The following SLC9A8 variants were observed in gnomAD, a reference collection of about 807,000 sequenced individuals.
SLC9A8 encodes the protein solute carrier family 9 member A8.
SLC9A8 carries 48 observed loss-of-function variants against 66.6 expected under a neutral mutation model. The observed-to-expected ratio is 0.72, with a 90% CI of 0.57 to 0.92. The LOEUF (loss-of-function observed/expected upper bound fraction) is 0.92, where lower values mean the gene tolerates loss of function less well. Among genes scored for constraint, SLC9A8 ranks in the 40% least tolerant of loss-of-function variants. The pLI is 0.00. For synonymous variants in SLC9A8, 274 were observed against 282.6 expected, an observed-to-expected ratio of 0.97 and a Z score of 0.31; for missense variants, 599 against 747.3, an observed-to-expected ratio of 0.80 and a Z score of 2.31.
chr20:49,834,183 CTCTATATATATATATATA>C (rs2087346448), intron 3 of SLC9A8, among the ~76,000 whole-genome samples: 1 of 36,968 alleles, frequency 2.7e-5, no homozygotes, highest in Non-Finnish European at 5.0e-5. Flanking sequence ...CTCTCTCTCT[CTCTATATATATATATATA>C]TATATATATA....
At position 49,886,618 on chromosome 20, in the gene SLC9A8, C is replaced by T. The variant is rs111617462; in HGVS notation, c.1492-134C>T. ...GGCTCCCAGGAGGCCGTCTGCTGCC[C>T]GTCACCCTGCATTGATGGTCAAGTG... On this transcript the variant is annotated intron_variant, in intron 14 of 15. Coordinates refer to ENST00000361573, the MANE Select transcript of SLC9A8 (RefSeq NM_015266.3). The surrounding 1 kb of genome is among the most constrained non-coding windows in gnomAD (Gnocchi z 4.8). 2,987 of 1,076,320 alleles carry T rather than the reference C, an allele frequency of 2.8e-3. 44 individuals are homozygous for T. The African/African-American group carries it at 0.041, about 15-fold the overall frequency. 66.7% of individuals were successfully genotyped at this position (1,076,320 alleles called of 1,614,324 possible).
intron 3 of SLC9A8, among the ~76,000 whole-genome samples, chr20:49,834,377 A>AG (rs2087400743): frequency 1.5e-5 from 1 of 67,188 alleles, no homozygotes; most frequent in Non-Finnish European, 2.6e-5. Flanking sequence ...GTGTATATAT[A>AG]TATATACTGT....
chr20:49,851,094 G>A lies in SLC9A8; in HGVS notation c.569+250G>A, dbSNP rs138402211. Among the ~76,000 whole-genome samples, 371 of 152,252 alleles carry A rather than the reference G, an allele frequency of 2.4e-3. 3 individuals carry two copies. Among genetic ancestry groups the A allele is most frequent in the Middle Eastern group, 3.4e-3 (1 of 294 alleles). On this transcript the variant is annotated intron_variant, in intron 7 of 15. Coordinates refer to ENST00000361573, the MANE Select transcript of SLC9A8 (RefSeq NM_015266.3). ...GAATGATTTAGTTTAAGCTTGGGAG[G>A]GAGTAACTCTGCTCAGCTAACTGCC... is the stretch of plus-strand genomic sequence containing the variant.
At chr20:49,855,811 G>A (rs994224374) in intron 8 of SLC9A8, among the ~76,000 whole-genome samples, 4 of 151,732 alleles carry the variant, frequency 2.6e-5, no homozygotes, top group African/African-American at 9.7e-5. Flanking sequence ...TTTTTTTTGA[G>A]ACAGGGTCTC....
At chr20:49,858,776 G>A (rs774964433) in intron 8 of SLC9A8, among the ~76,000 whole-genome samples, 8 of 151,890 alleles carry the variant, frequency 5.3e-5, no homozygotes, top group South Asian at 2.1e-4. Flanking sequence ...TTGCCAACGT[G>A]GTGAAACCCT....
intron 6 of SLC9A8, 97 bp downstream of exon 6, chr20:49,849,777 G>A: frequency 2.1e-6 from 2 of 933,710 alleles, no homozygotes; most frequent in Non-Finnish European, 3.4e-6. Flanking sequence ...TGTGGGGCCT[G>A]GGTTTCACCC....
intron 3 of SLC9A8, among the ~76,000 whole-genome samples, chr20:49,832,595 C>T (rs570672661): frequency 5.3e-5 from 8 of 152,324 alleles, no homozygotes; most frequent in Admixed American, 3.9e-4. Context: ...GGGTCCTTCC[C>T]CTCTCCCCAC....
chr20:49,823,039 T>C, intron 2 of SLC9A8, 22 bp from the exon 3 acceptor site: 1 of 1,584,662 alleles, frequency 6.3e-7, no homozygotes, highest in East Asian at 2.2e-5. Flanking sequence ...TTTAAAACAT[T>C]GTATTATTTT....
chr20:49,817,273 C>T (rs887440928), intron 2 of SLC9A8, among the ~76,000 whole-genome samples: 3 of 151,716 alleles, frequency 2.0e-5, no homozygotes, highest in South Asian at 2.1e-4. Flanking sequence ...GCCGAGATCG[C>T]GCCACTGCAC....
At chr20:49,859,242 G>C (rs919474879) in intron 8 of SLC9A8, among the ~76,000 whole-genome samples, 3 of 152,340 alleles carry the variant, frequency 2.0e-5, no homozygotes, top group Admixed American at 1.3e-4. Flanking sequence ...AGGGACCTCT[G>C]TGTGCCAGAC....
intron 3 of SLC9A8, among the ~76,000 whole-genome samples, chr20:49,827,604 GAAAA>G (rs75265328): frequency 1.9e-5 from 2 of 104,538 alleles, no homozygotes; most frequent in Non-Finnish European, 2.0e-5. Flanking sequence ...ACTGCATCTC[GAAAA>G]AAAAAAAAAA....
intron 7 of SLC9A8, among the ~76,000 whole-genome samples, chr20:49,851,047 C>A (rs1254566094): frequency 2.0e-5 from 3 of 152,086 alleles, no homozygotes; most frequent in African/African-American, 7.2e-5. Context: ...TTTGAAGATC[C>A]CTAGTGGGGC....
Position 49,887,930 on chromosome 20 carries a change from G to A in SLC9A8, c.1740G>A (p.Leu580=). The A allele has an allele frequency of 6.2e-7, 1 of 1,613,112 alleles. No individual in the cohort carries two copies. Among genetic ancestry groups the A allele is most frequent in the Non-Finnish European group, 8.5e-7 (1 of 1,179,398 alleles). The change falls in exon 16 of 16, where the codon CTG becomes CTA. Residue 580 remains leucine, a synonymous_variant. Coordinates refer to ENST00000361573, the MANE Select transcript of SLC9A8 (RefSeq NM_015266.3). ...GCTCCGAGGACGACGAGCAGGAGCT[G>A]CTCTGACGCCAGGTGCCAAGGCTTC... ...PSGSEDDEQE[L]L
chr20:49,872,736 C>T (rs974599483), intron 10 of SLC9A8, among the ~76,000 whole-genome samples: 3 of 152,148 alleles, frequency 2.0e-5, no homozygotes, highest in Non-Finnish European at 4.4e-5. Context: ...TCACCCGCCT[C>T]GGCCTCCCAA....
intron 4 of SLC9A8, among the ~76,000 whole-genome samples, chr20:49,840,466 G>A (rs556650386): frequency 2.4e-4 from 36 of 152,252 alleles, no homozygotes; most frequent in Non-Finnish European, 4.1e-4. Flanking sequence ...AAGCTCCTAG[G>A]TGCTAGGATT....
rs1425270520 is a variant in SLC9A8, at chr20:49,888,938, C to A, written c.*1002C>A. The A allele has an allele frequency of 4.6e-5, 7 of 152,550 alleles. No homozygotes were observed. Among genetic ancestry groups the A allele is most frequent in the East Asian group, 1.9e-4 (1 of 5,180 alleles). 9.4% of individuals were successfully genotyped at this position (152,550 alleles called of 1,614,324 possible). On this transcript the variant is annotated 3_prime_UTR_variant, in exon 16 of 16. Coordinates refer to ENST00000361573, the MANE Select transcript of SLC9A8 (RefSeq NM_015266.3). ...TCCCAGTTCCCTACCACGTTGGATC[C>A]CATTCGTCACCCATGCTAGGGTCCC...
At chr20:49,877,242 C>T (rs1166916735) in intron 11 of SLC9A8, among the ~76,000 whole-genome samples, 2 of 151,650 alleles carry the variant, frequency 1.3e-5, no homozygotes, top group South Asian at 2.1e-4. Context: ...TGCAGTGAGC[C>T]GAGATCGTGC....
intron 4 of SLC9A8, among the ~76,000 whole-genome samples, chr20:49,841,814 C>T (rs888679546): frequency 3.9e-5 from 6 of 151,936 alleles, no homozygotes; most frequent in South Asian, 4.1e-4. Flanking sequence ...AGGCTGGTCT[C>T]GAACTCCTGA....
intron 2 of SLC9A8, 89 bp from the exon 3 acceptor site, chr20:49,822,972 C>A: frequency 9.3e-7 from 1 of 1,078,208 alleles, no homozygotes; most frequent in Non-Finnish European, 1.4e-6. Context: ...TGAGGACCCC[C>A]CCAGAAATAA....
Sources: gnomAD v4.1 joint callset for allele counts (sites outside exome capture counted in the v4.1 genomes callset) on GRCh38, gnomAD v4.1.1 for gene constraint, Gnocchi (gnomAD v3.1) non-coding constraint, MANE v1.5 for transcripts, NCBI Gene and HGNC (gene_info 2026-07-23, HGNC 2026-07-21) for gene names.